MECOM: variants seen among roughly 807,000 people sequenced by gnomAD.
The protein encoded by MECOM is histone-lysine N-methyltransferase MECOM.
A neutral mutation model predicts 116.3 loss-of-function variants in MECOM; 13 were observed. The observed-to-expected ratio is 0.11, with a 90% CI of 0.07 to 0.18. The LOEUF is 0.18. Ranked by LOEUF, MECOM falls within the 10% of genes least tolerant of loss-of-function variation. MECOM has a pLI of 1.00. For missense variants in MECOM, 1,299 were observed against 1,509.0 expected (o/e 0.86, Z 2.31); for synonymous variants, 528 against 535.2 (o/e 0.99, Z 0.19).
chr3:169,434,443 T>G (rs1434417772), intron 1 of MECOM, among the ~76,000 whole-genome samples: 3 of 98,616 alleles, frequency 3.0e-5, no homozygotes, highest in East Asian at 3.5e-4. Flanking sequence ...AAGTTTACTG[T>G]TTTTTTTTTG....
chr3:169,583,190 T>G (rs1209508720), intron 1 of MECOM, among the ~76,000 whole-genome samples: 1 of 152,140 alleles, frequency 6.6e-6, no homozygotes, highest in Non-Finnish European at 1.5e-5. Flanking sequence ...ACACCATGAG[T>G]AGCTAAAATG....
At chr3:169,237,504 G>A (rs1311595142) in intron 2 of MECOM, among the ~76,000 whole-genome samples, 2 of 149,076 alleles carry the variant, frequency 1.3e-5, no homozygotes, top group South Asian at 2.1e-4. Context: ...ACTTGTCCCC[G>A]TATGAAATAA....
At chr3:169,158,926 T>C (rs900787108) in intron 2 of MECOM, among the ~76,000 whole-genome samples, 2 of 152,202 alleles carry the variant, frequency 1.3e-5, no homozygotes, top group Non-Finnish European at 2.9e-5. Context: ...CCGAGGTTCA[T>C]GGCTCTCATA....
chr3:169,177,264 C>T (rs544838349), intron 2 of MECOM, among the ~76,000 whole-genome samples: 13 of 152,296 alleles, frequency 8.5e-5, no homozygotes, highest in African/African-American at 2.9e-4. Flanking sequence ...GGTACATATA[C>T]ACCATGGAAT....
rs1044605087 is a variant in MECOM at position 169,237,226 on chromosome 3, A to G, written c.376-93394T>C. 1.4e-4 allele frequency among the ~76,000 whole-genome samples: 21 copies of G among 152,338 alleles called. 1 individual carries two copies. Among genetic ancestry groups the G allele is most frequent in the Admixed American group, 2.6e-4 (4 of 15,300 alleles). On this transcript the variant is annotated intron_variant, in intron 2 of 16. Coordinates refer to ENST00000651503, the MANE Select transcript of MECOM (RefSeq NM_004991.4). ...ATCAAAAGACTCAGCATTAGCTTCT[A>G]TGAAAATATTTCTTTGGTCACATTA...
intron 2 of MECOM, among the ~76,000 whole-genome samples, chr3:169,327,662 A>G (rs994187008): frequency 7.2e-5 from 11 of 151,970 alleles, no homozygotes; most frequent in Non-Finnish European, 1.5e-4. Context: ...AAAAAAGAAA[A>G]AAAAGCATAA....
chr3:169,492,936 G>A lies in MECOM; in HGVS notation c.38-111412C>T, dbSNP rs141781982. Reference sequence around the variant, plus strand: ...GATCACACCACGGCACTCCAGCCTCGAAGACAGAGAGAGACTCCATTTTAA... The same window carrying A: ...GATCACACCACGGCACTCCAGCCTCAAAGACAGAGAGAGACTCCATTTTAA... On this transcript the variant is annotated intron_variant, in intron 1 of 16. Coordinates refer to ENST00000651503, the MANE Select transcript of MECOM (RefSeq NM_004991.4). 5.5e-3 allele frequency among the ~76,000 whole-genome samples: 832 copies of A among 152,252 alleles called. 7 individuals are homozygous for A. Among genetic ancestry groups the A allele is most frequent in the African/African-American group, 0.019 (785 of 41,546 alleles).
At chr3:169,582,510 C>G (rs1765235469) in intron 1 of MECOM, among the ~76,000 whole-genome samples, 1 of 152,110 alleles carries the variant, frequency 6.6e-6, no homozygotes, top group Non-Finnish European at 1.5e-5. Flanking sequence ...AAAGAAGAAG[C>G]TACCATGTTG....
intron 2 of MECOM, among the ~76,000 whole-genome samples, chr3:169,324,191 C>CA (rs1265216759): frequency 2.0e-5 from 3 of 152,214 alleles, no homozygotes; most frequent in Non-Finnish European, 4.4e-5. Flanking sequence ...TGTGCTCACA[C>CA]AGGTTGCTTT....
intron 1 of MECOM, among the ~76,000 whole-genome samples, chr3:169,475,425 C>T (rs1750196074): frequency 6.6e-6 from 1 of 152,100 alleles, no homozygotes; most frequent in Admixed American, 6.6e-5. Context: ...TCATGACCTT[C>T]CTCTTATGCA....
intron 1 of MECOM, among the ~76,000 whole-genome samples, chr3:169,583,458 C>G (rs73174365): frequency 0.11 from 16,277 of 152,098 alleles, 1,105 homozygotes; most frequent in African/African-American, 0.19. Flanking sequence ...CTCTCTCCCC[C>G]TCTATCTCTC....
intron 4 of MECOM, among the ~76,000 whole-genome samples, chr3:169,128,841 T>C (rs1192847419): frequency 6.6e-6 from 1 of 152,186 alleles, no homozygotes; most frequent in Non-Finnish European, 1.5e-5. Flanking sequence ...GGTTATAAAA[T>C]GTCAGGTAGT....
intron 2 of MECOM, among the ~76,000 whole-genome samples, chr3:169,149,975 G>GTGTGTGTC (rs1359900377): frequency 3.2e-4 from 32 of 100,478 alleles, no homozygotes; most frequent in African/African-American, 1.1e-3. Context: ...GTGTGTGTGT[G>GTGTGTGTC]TGTCTGTCTG....
At chr3:169,090,647 G>A (rs1719404011) in intron 14 of MECOM, among the ~76,000 whole-genome samples, 1 of 151,652 alleles carries the variant, frequency 6.6e-6, no homozygotes, top group African/African-American at 2.4e-5. Flanking sequence ...TATCACTCAT[G>A]GGCCGTAGCT....
intron 3 of MECOM, among the ~76,000 whole-genome samples, chr3:169,139,998 T>C (rs1326647497): frequency 6.6e-6 from 1 of 152,014 alleles, no homozygotes; most frequent in Non-Finnish European, 1.5e-5. Context: ...AGATGTTTGG[T>C]TTACTTCACA....
At chr3:169,546,996 C>T (rs1035395927) in intron 1 of MECOM, among the ~76,000 whole-genome samples, 14 of 152,138 alleles carry the variant, frequency 9.2e-5, no homozygotes, top group Non-Finnish European at 2.9e-5. Flanking sequence ...TAAAAATGGT[C>T]AACATCCTAT....
intron 2 of MECOM, among the ~76,000 whole-genome samples, chr3:169,302,119 G>A (rs144643618): frequency 3.2e-4 from 49 of 152,294 alleles, no homozygotes; most frequent in Non-Finnish European, 2.6e-4. Context: ...ATTGGGGCCC[G>A]ACAGGACTAG....
intron 1 of MECOM, among the ~76,000 whole-genome samples, chr3:169,382,930 G>A (rs1732720603): frequency 1.3e-5 from 2 of 149,512 alleles, no homozygotes; most frequent in South Asian, 4.2e-4. Context: ...TTCTACTATA[G>A]CCTGGATAAC....
chr3:169,659,976 C>G (rs1441701019), intron 1 of MECOM, among the ~76,000 whole-genome samples: 1 of 152,108 alleles, frequency 6.6e-6, no homozygotes, highest in Admixed American at 6.5e-5. Flanking sequence ...TCTGGGGGGC[C>G]GGTAGCTAAG....
Sources: gnomAD v4.1 joint callset for allele counts (sites outside exome capture counted in the v4.1 genomes callset) on GRCh38, gnomAD v4.1.1 for gene constraint, MANE v1.5 for transcripts, NCBI Gene and HGNC (gene_info 2026-07-23, HGNC 2026-07-21) for gene names.